The following FAM20C variants were observed in gnomAD, a reference collection of about 807,000 sequenced individuals.
FAM20C encodes the protein extracellular serine/threonine protein kinase FAM20C.
In FAM20C, 40 loss-of-function variants were observed where a neutral mutation model predicts 51.5. The observed-to-expected ratio is 0.78, with a 90% CI of 0.60 to 1.01. The LOEUF (loss-of-function observed/expected upper bound fraction) is 1.01, where lower values mean the gene tolerates loss of function less well. Ranked by LOEUF, FAM20C falls within the 50% of genes least tolerant of loss-of-function variation. FAM20C has a pLI of 0.00. For synonymous variants in FAM20C, 406 were observed against 380.6 expected (o/e 1.07, Z -0.78); for missense variants, 861 against 844.7 (o/e 1.02, Z -0.24).
At chr7:220,974 C>T (rs28750091) in intron 3 of FAM20C, among the ~76,000 whole-genome samples, 47,052 of 108,990 alleles carry the variant, frequency 0.43, 8,111 homozygotes, top group South Asian at 0.5. Flanking sequence ...GGGCACAGGG[C>T]GGAGGCTCGT....
chr7:209,895 G>A (rs926911204), intron 3 of FAM20C, among the ~76,000 whole-genome samples: 18 of 152,256 alleles, frequency 1.2e-4, no homozygotes. Context: ...GCTGGGCTCG[G>A]TTTCTGGGCC....
At chr7:235,078 T>C (rs1055963453) in intron 3 of FAM20C, among the ~76,000 whole-genome samples, 1 of 152,018 alleles carries the variant, frequency 6.6e-6, no homozygotes, top group Non-Finnish European at 1.5e-5. Context: ...CACATCACGT[T>C]AGCCCAGGCT....
chr7:217,842 C>G (rs1020975244), intron 3 of FAM20C, among the ~76,000 whole-genome samples: 1 of 152,132 alleles, frequency 6.6e-6, no homozygotes, highest in African/African-American at 2.4e-5. Flanking sequence ...TGGGGCTGGC[C>G]GTAACGGCCA....
intron 5 of FAM20C, among the ~76,000 whole-genome samples, chr7:255,397 G>A (rs924712385): frequency 6.6e-6 from 1 of 152,188 alleles, no homozygotes; most frequent in Admixed American, 6.5e-5. Context: ...AGCTGTTCAA[G>A]CCCTCTGCCC....
At chr7:196,831 C>T (rs1785895034) in intron 2 of FAM20C, among the ~76,000 whole-genome samples, 7 of 152,198 alleles carry the variant, frequency 4.6e-5, no homozygotes, top group Admixed American at 4.6e-4. Flanking sequence ...GGAGACAGAA[C>T]TTGCAGCTCT....
intron 2 of FAM20C, chr7:197,279 G>C (rs1271348018): frequency 6.0e-6 from 1 of 167,004 alleles, no homozygotes; most frequent in Non-Finnish European, 1.5e-5. Flanking sequence ...TCCTGAGGAG[G>C]AACGAGCACT....
intron 5 of FAM20C, among the ~76,000 whole-genome samples, chr7:251,170 C>CACCT (rs1417946368): frequency 1.1e-3 from 158 of 149,554 alleles, no homozygotes; most frequent in African/African-American, 3.7e-3. Flanking sequence ...CGGCGGCTCA[C>CACCT]GCCTGCACTG....
chr7:200,509 C>T (rs956720290), intron 2 of FAM20C, among the ~76,000 whole-genome samples: 1 of 152,198 alleles, frequency 6.6e-6, no homozygotes. Context: ...CTGGGGCCAC[C>T]CAGGCACCGG....
rs752896209 is a variant in FAM20C at position 195,643 on chromosome 7, G to T, written c.695G>T (p.Gly232Val). ...CCCAACTGGCTCAAGTTCCACATTG[G>T]TATCAACCGGTACGAGCTGTACTCC... ...SYPNWLKFHI[G>V]INRYELYSRH... Residue 232 changes from glycine (G) to valine (V), a missense_variant, in exon 2 of 10, where the codon GGT becomes GTT. Gly to Val is a moderately radical substitution (Grantham distance 109, BLOSUM62 -3). Coordinates refer to ENST00000313766, the MANE Select transcript of FAM20C (RefSeq NM_020223.4). The T allele has an allele frequency of 6.2e-7, 1 of 1,611,172 alleles. No individual in the cohort carries two copies. The highest frequency in any genetic ancestry group is 8.5e-7 in the Non-Finnish European group (1 of 1,178,866).
rs139509186 is a variant in FAM20C, at chr7:260,097, C to T, written c.*117C>T. The stretch of plus-strand genomic sequence containing the variant: ...GAGGCAGGACGGGATCATCCGGAGT[C>T]GGGAGCTGCTGCCACAGGAGGCGAG... On this transcript the variant is annotated 3_prime_UTR_variant, in exon 10 of 10. Transcript: ENST00000313766. The T allele has an allele frequency of 2.4e-3, 3,158 of 1,338,250 alleles. 66 individuals carry two copies. In the African/African-American group the frequency reaches 0.041, roughly 18 times the overall value. 82.9% of individuals were successfully genotyped at this position (1,338,250 alleles called of 1,614,324 possible).
At chr7:249,464 G>C (rs147493369) in intron 5 of FAM20C, among the ~76,000 whole-genome samples, 3,448 of 152,348 alleles carry the variant, frequency 0.023, 49 homozygotes, top group Non-Finnish European at 0.037. Flanking sequence ...ATTTGGGCTG[G>C]GCGTGGTGGC....
intron 2 of FAM20C, among the ~76,000 whole-genome samples, chr7:207,496 G>A (rs779867807): frequency 6.6e-6 from 1 of 152,060 alleles, no homozygotes; most frequent in Non-Finnish European, 1.5e-5. Context: ...TCCGAGAGCA[G>A]CTCAAATGTT....
chr7:223,274 G>A (rs544707882), intron 3 of FAM20C, among the ~76,000 whole-genome samples: 3 of 152,304 alleles, frequency 2.0e-5, no homozygotes, highest in African/African-American at 7.2e-5. Context: ...GGGGATTTCC[G>A]TGTTGTCAGA....
At chr7:194,777 C>A (rs569717978) in intron 1 of FAM20C, among the ~76,000 whole-genome samples, 17,090 of 112,526 alleles carry the variant, frequency 0.15, 1,158 homozygotes, top group East Asian at 0.33. Flanking sequence ...TCCTAGCCCC[C>A]CACCCCGCCC....
At chr7:210,300 C>G (rs539502991) in intron 3 of FAM20C, among the ~76,000 whole-genome samples, 2 of 151,870 alleles carry the variant, frequency 1.3e-5, no homozygotes, top group African/African-American at 4.8e-5. Flanking sequence ...TTGGGCCTCT[C>G]GTGGCCTCTG....
At chr7:216,662 T>TGTGTGTGA (rs1562376276) in intron 3 of FAM20C, among the ~76,000 whole-genome samples, 5 of 136,688 alleles carry the variant, frequency 3.7e-5, no homozygotes, top group Admixed American at 7.7e-5. Flanking sequence ...AGTGTGTGTG[T>TGTGTGTGA]GAGAGACAGA....
chr7:202,268 A>G (rs11980727), intron 2 of FAM20C, among the ~76,000 whole-genome samples: 98,171 of 145,670 alleles, frequency 0.67, 32,320 homozygotes, highest in East Asian at 0.75. Context: ...TAGAGAGGAC[A>G]GGTGGCTGCT....
chr7:231,968 C>T (rs544866313), intron 3 of FAM20C, among the ~76,000 whole-genome samples: 2 of 152,328 alleles, frequency 1.3e-5, no homozygotes, highest in African/African-American at 2.4e-5. Context: ...CCCAGGGTTC[C>T]GCCTGATGGT....
At chr7:257,291 C>A in intron 8 of FAM20C, 1 of 588,270 alleles carries the variant, frequency 1.7e-6, no homozygotes, top group Non-Finnish European at 3.0e-6. Flanking sequence ...GTGGGACCTC[C>A]GAGGCACAGG....
Sources: gnomAD v4.1 joint callset for allele counts (sites outside exome capture counted in the v4.1 genomes callset) on GRCh38, gnomAD v4.1.1 for gene constraint, MANE v1.5 for transcripts, NCBI Gene and HGNC (gene_info 2026-07-23, HGNC 2026-07-21) for gene names.